Variants in CAND1 observed in about 807,000 individuals in gnomAD.
The protein encoded by CAND1 is cullin associated and neddylation dissociated 1.
CAND1 carries 7 observed loss-of-function variants against 108.5 expected under a neutral mutation model. The ratio of observed to expected loss-of-function variants is 0.06; its 90% CI spans 0.04 to 0.12. The LOEUF is 0.12. Ranked by LOEUF, CAND1 falls within the 10% of genes least tolerant of loss-of-function variation. The pLI, the probability that CAND1 is intolerant of heterozygous loss-of-function variation, is 1.00. For synonymous variants in CAND1, 534 were observed against 512.0 expected, an observed-to-expected ratio of 1.04 and a Z score of -0.58; for missense variants, 941 against 1,448.7, an observed-to-expected ratio of 0.65 and a Z score of 5.69.
chr12:67,305,952 C>T lies in CAND1; in HGVS notation c.2284C>T (p.Leu762=). The change falls in exon 10 of 15, where the codon CTG becomes TTG. Residue 762 remains leucine, a synonymous_variant. Transcript: ENST00000545606. The surrounding 1 kb of genome is among the most constrained non-coding windows in gnomAD (Gnocchi z 4.4). ...LSAMLDFFQA[L]VVTGTNNLGY... is the part of the protein sequence containing the mutation. ...TGCCATGCTAGACTTTTTCCAAGCT[C>T]TGGTTGTCACTGGAACAAATAATTT... 1 of 1,614,164 alleles carries T rather than the reference C, an allele frequency of 6.2e-7. No homozygotes were observed. Among genetic ancestry groups the T allele is most frequent in the Non-Finnish European group, 8.5e-7 (1 of 1,180,012 alleles).
rs767937092 is a variant in CAND1, at chr12:67,304,768, C to T, written c.1435+22C>T. On this transcript the variant is annotated intron_variant, in intron 9 of 14. Coordinates refer to ENST00000545606, the MANE Select transcript of CAND1 (RefSeq NM_018448.5). ...CCAGGTATGAAAGAAACATAAATCT[C>T]TTTTGGGACTTATTGTAGCCTTTTT... The T allele has an allele frequency of 3.1e-6, 5 of 1,608,128 alleles. No individual in the cohort carries two copies. The Admixed American group carries it at 6.9e-5, about 22-fold the overall frequency.
chr12:67,306,376 C>G lies in CAND1; in HGVS notation c.2708C>G (p.Pro903Arg). The change falls in exon 10 of 15, where the codon CCC becomes CGC. Residue 903 changes from proline (P) to arginine (R), a missense_variant. By Grantham distance (103) the Pro-to-Arg change is moderately radical. Coordinates refer to ENST00000545606, the MANE Select transcript of CAND1 (RefSeq NM_018448.5). The part of the protein sequence containing the change: ...PFVLQEITSQ[P>R]KRQYLLLHSL... ...GTCCTGCAAGAAATAACTAGTCAAC[C>G]CAAAAGGCAGTATCTTTTACTTCAT... 6.2e-7 allele frequency: 1 copy of G among 1,614,062 alleles called. No homozygotes were observed. Among genetic ancestry groups the G allele is most frequent in the Non-Finnish European group, 8.5e-7 (1 of 1,179,944 alleles).
At chr12:67,311,058 G>C (rs141118829) in intron 13 of CAND1, 1 of 151,772 alleles carries the variant, frequency 6.6e-6, no homozygotes, top group Non-Finnish European at 1.5e-5. Flanking sequence ...GGCCAAGCAG[G>C]ACAAAAGTGG....
Position 67,307,412 on chromosome 12 carries a change from G to A in CAND1, c.2945G>A (p.Arg982Gln), listed in dbSNP as rs2044899061. The A allele has an allele frequency of 2.5e-6, 4 of 1,610,986 alleles. No homozygotes were observed. The highest frequency in any genetic ancestry group is 1.1e-5 in the South Asian group (1 of 90,618). Residue 982 changes from arginine (R) to glutamine (Q), a missense_variant, in exon 11 of 15, where the codon CGA (arginine) becomes CAA (glutamine). Physicochemically the swap from Arg to Gln is conservative, Grantham distance 43. Around this residue, in one of 9 missense-constraint regions of CAND1, gnomAD observed 106 missense variants for 182.0 expected, o/e 0.58. Coordinates refer to ENST00000545606, the MANE Select transcript of CAND1 (RefSeq NM_018448.5). ...TTTTAACTAGGCTCATCATATGCCC[G>A]AAGCTCAGTGGTTACGGCTGTGAAA... ...GYLISGSSYARSSVVTAVKFT... is the reference protein window; with the variant it reads ...GYLISGSSYAQSSVVTAVKFT...
At position 67,297,942 on chromosome 12, in the gene CAND1, G is replaced by A. The variant is rs937253057; in HGVS notation, c.854+89G>A. The A allele has an allele frequency of 4.7e-6, 3 of 638,558 alleles. No individual in the cohort carries two copies. The African/African-American group carries it at 5.5e-5, about 12-fold the overall frequency. 39.6% of individuals were successfully genotyped at this position (638,558 alleles called of 1,614,324 possible). ...TACATTAGGTGTGTGAGGAGAAGCG[G>A]CCTTTTGGATTTCAGATATAACAGA... On this transcript the variant is annotated intron_variant, in intron 6 of 14. Transcript: ENST00000545606.
chr12:67,306,146 G>T lies in CAND1; in HGVS notation c.2478G>T (p.Lys826Asn). ...TAGGTCAGTTTATTCAAGATGTCAA[G>T]AACTCAAGGTCTACAGATTCCATTC... ...AVVGQFIQDV[K>N]NSRSTDSIRL... Residue 826 changes from lysine (K) to asparagine (N), a missense_variant, in exon 10 of 15, where the codon AAG becomes AAT. Coordinates refer to ENST00000545606, the MANE Select transcript of CAND1 (RefSeq NM_018448.5). The T allele has an allele frequency of 6.2e-7, 1 of 1,614,110 alleles. No individual in the cohort carries two copies. The highest frequency in any genetic ancestry group is 8.5e-7 in the Non-Finnish European group (1 of 1,179,994).
At chr12:67,302,215 G>A (rs1226526072) in intron 7 of CAND1, 108 bp from the exon 8 acceptor site, 13 of 972,034 alleles carry the variant, frequency 1.3e-5, no homozygotes, top group East Asian at 2.4e-5. Context: ...ATATGTTACC[G>A]GAAAGTTAGA....
intron 11 of CAND1, among the ~76,000 whole-genome samples, chr12:67,309,470 G>A (rs182436468): frequency 6.1e-4 from 92 of 152,018 alleles, no homozygotes; most frequent in South Asian, 1.0e-3. Flanking sequence ...TAAGCAGTGG[G>A]TCTGTCTTCA....
intron 11 of CAND1, among the ~76,000 whole-genome samples, chr12:67,309,685 A>G (rs897286841): frequency 2.0e-5 from 3 of 152,000 alleles, no homozygotes; most frequent in South Asian, 4.1e-4. Flanking sequence ...TGGATTATCA[A>G]TTGAAAATAT....
rs748875791 is a variant in CAND1 at position 67,310,036 on chromosome 12, A to G, written c.3161A>G (p.Asn1054Ser). The G allele has an allele frequency of 6.2e-7, 1 of 1,612,348 alleles. No homozygotes were observed. The stretch of plus-strand genomic sequence containing the variant: ...GATACTGTTCTTCCACATCTTTACA[A>G]TGAAACAAAAGTTAGAAAGGAGCTT... ...LLDTVLPHLYNETKVRKELIR... is the reference protein window; with the variant it reads ...LLDTVLPHLYSETKVRKELIR... Residue 1054 changes from asparagine to serine, a missense_variant, in exon 12 of 15, where the codon AAT (asparagine) becomes AGT (serine). Coordinates refer to ENST00000545606, the MANE Select transcript of CAND1 (RefSeq NM_018448.5).
At position 67,312,713 on chromosome 12, in the gene CAND1, TC is replaced by T; in HGVS notation, c.3578del (p.Pro1193HisfsTer2). The T allele has an allele frequency of 6.2e-7, 1 of 1,613,642 alleles. No individual in the cohort carries two copies. The highest frequency in any genetic ancestry group is 8.5e-7 in the Non-Finnish European group (1 of 1,179,698). ...LLTIPEAEKS[P>X]LMSEFQSQIS... is the part of the protein sequence containing the mutation. Reference sequence around the variant, plus strand: ...TAACCATTCCAGAAGCAGAGAAGAGTCCACTGATGAGTGAATTCCAGTCACA... The same window carrying T: ...TAACCATTCCAGAAGCAGAGAAGAGTCACTGATGAGTGAATTCCAGTCACA... On this transcript the variant is annotated frameshift_variant, in exon 15 of 15. Transcript: ENST00000545606. LOFTEE classifies it high-confidence loss of function.
At chr12:67,278,583 A>G (rs960023887) in intron 1 of CAND1, among the ~76,000 whole-genome samples, 2 of 151,980 alleles carry the variant, frequency 1.3e-5, no homozygotes, top group Admixed American at 1.3e-4. Flanking sequence ...CAGTGGCTCA[A>G]TCTCGGCTCA....
chr12:67,302,650 A>C (rs755897678), intron 8 of CAND1, 35 bp downstream of exon 8: 2 of 1,557,106 alleles, frequency 1.3e-6, no homozygotes, highest in Middle Eastern at 1.7e-4. Context: ...AAATCATGAT[A>C]GTAAATGCAA....
chr12:67,306,855 T>C (rs1214241371), intron 10 of CAND1, among the ~76,000 whole-genome samples: 3 of 152,166 alleles, frequency 2.0e-5, no homozygotes. Context: ...TGTTACTATA[T>C]TGTGTTAAAA....
intron 1 of CAND1, among the ~76,000 whole-genome samples, chr12:67,281,001 G>T (rs2044614423): frequency 6.6e-6 from 1 of 152,112 alleles, no homozygotes; most frequent in South Asian, 2.1e-4. Flanking sequence ...AACACTGTGG[G>T]AGGCCGAGGT....
At chr12:67,271,200 G>T (rs2044517540) in intron 1 of CAND1, among the ~76,000 whole-genome samples, 1 of 152,132 alleles carries the variant, frequency 6.6e-6, no homozygotes, top group Non-Finnish European at 1.5e-5. Context: ...TGTTTGTTTT[G>T]TGTGTTTTAG....
Position 67,297,871 on chromosome 12 carries a change from C to T in CAND1, c.854+18C>T. The T allele has an allele frequency of 3.5e-6, 5 of 1,448,068 alleles. No individual in the cohort carries two copies. The highest frequency in any genetic ancestry group is 1.2e-5 in the South Asian group (1 of 82,326). 89.7% of individuals were successfully genotyped at this position (1,448,068 alleles called of 1,614,324 possible). A position where few individuals can be genotyped will look rare whatever the true frequency, so the allele number is the denominator to read the frequency against. On this transcript the variant is annotated intron_variant, in intron 6 of 14. Transcript: ENST00000545606. The stretch of plus-strand genomic sequence containing the variant: ...GTAAGAAGGTAAGTTTTTAAGATCT[C>T]TATTTTTTACAAAAAGTTTTTCCTT...
At chr12:67,291,532 G>A (rs936120724) in intron 2 of CAND1, among the ~76,000 whole-genome samples, 2 of 152,218 alleles carry the variant, frequency 1.3e-5, no homozygotes, top group South Asian at 4.2e-4. Context: ...TGGAATATTT[G>A]CATATACAAA....
chr12:67,304,781 T>C (rs536469065), intron 9 of CAND1, 35 bp downstream of exon 9: 129 of 1,601,898 alleles, frequency 8.1e-5, no homozygotes, highest in Middle Eastern at 1.7e-4. Context: ...TTGGGACTTA[T>C]TGTAGCCTTT....
Sources: gnomAD v4.1 joint callset for allele counts (sites outside exome capture counted in the v4.1 genomes callset) on GRCh38, gnomAD v4.1.1 for gene constraint, gnomAD v4.1.1 regional missense constraint, Gnocchi (gnomAD v3.1) non-coding constraint, MANE v1.5 for transcripts, NCBI Gene and HGNC (gene_info 2026-07-23, HGNC 2026-07-21) for gene names.